DCTN1: variants seen among roughly 807,000 people sequenced by gnomAD.
The protein encoded by DCTN1 is dynactin subunit 1.
DCTN1 carries 61 observed loss-of-function variants against 161.2 expected under a neutral mutation model. The ratio of observed to expected loss-of-function variants is 0.38; its 90% CI spans 0.31 to 0.47. The LOEUF is 0.47. DCTN1 is among the 20% of genes least tolerant of loss of function. The probability of loss-of-function intolerance (pLI) is 0.99; values close to 1 mark genes in which losing one functional copy is unlikely to be tolerated. For missense variants in DCTN1, 1,404 were observed against 1,623.7 expected (o/e 0.86, Z 2.33); for synonymous variants, 653 against 632.4 (o/e 1.03, Z -0.49).
rs370746111 is a variant in DCTN1, at chr2:74,370,583, C to T, written c.1048+38G>A. On this transcript the variant is annotated intron_variant, in intron 10 of 31. Coordinates refer to ENST00000628224, the MANE Select transcript of DCTN1 (RefSeq NM_004082.5). This position sits in a 1 kb window ranked among gnomAD's most constrained non-coding sequence, Gnocchi z 4.4. ...TTAACACTTTCAGGCATGGTTCTCA[C>T]CTGACCGTTTGGCCCCCAGCAGCTG... The T allele has an allele frequency of 4.3e-6, 7 of 1,613,986 alleles. No homozygotes were observed. The African/African-American group carries it at 9.3e-5, about 22-fold the overall frequency.
chr2:74,380,960 T>G (rs1310377374), upstream of DCTN1, among the ~76,000 whole-genome samples: 1 of 152,222 alleles, frequency 6.6e-6, no homozygotes, highest in Non-Finnish European at 1.5e-5. Context: ...TCTTTCTTCT[T>G]GTAGCACAAG....
chr2:74,375,550 T>C (rs1480685528), intron 5 of DCTN1, among the ~76,000 whole-genome samples: 1 of 152,188 alleles, frequency 6.6e-6, no homozygotes, highest in African/African-American at 2.4e-5. Flanking sequence ...GATTTGGGCA[T>C]TGCTCAGGCC....
chr2:74,362,294 C>G (rs542189783), intron 30 of DCTN1, among the ~76,000 whole-genome samples, 153 bp from the exon 31 acceptor site: 1 of 152,250 alleles, frequency 6.6e-6, no homozygotes, highest in African/African-American at 2.4e-5. Flanking sequence ...AACCCCATCC[C>G]CACACCAGCA....
At position 74,371,727 on chromosome 2, in the gene DCTN1, G is replaced by A. The variant is rs1446468442; in HGVS notation, c.455C>T (p.Pro152Leu). The A allele has an allele frequency of 6.2e-7, 1 of 1,607,504 alleles. No homozygotes were observed. Among genetic ancestry groups the A allele is most frequent in the Non-Finnish European group, 8.5e-7 (1 of 1,178,242 alleles). The change falls in exon 8 of 32, where the codon CCC becomes CTC. Residue 152 changes from proline to leucine, a missense_variant and splice_region_variant. Pro to Leu is a moderately conservative substitution (Grantham distance 98). This residue lies in a region of DCTN1 where 174 missense variants were observed against 175.6 expected (regional missense o/e 0.99). Transcript: ENST00000628224. ...ARKTTTRRPK[P>L]TRPASTGVAG... is the part of the protein sequence containing the mutation. ...CACCCCAGTACTGGCTGGGCGCGTG[G>A]GCTATTCAGAAAGGGTAGAGGCAGA...
At chr2:74,378,761 A>C (rs1675367849) in intron 1 of DCTN1, 1 of 184,866 alleles carries the variant, frequency 5.4e-6, no homozygotes, top group African/African-American at 2.4e-5. Context: ...ACCCTTTCAG[A>C]GGCACACAAT....
chr2:74,368,716 G>C lies in DCTN1; in HGVS notation c.1854+12C>G. ...CTAGATTTCTGTGGAACATGTGATT[G>C]ATTGGCCATACCTTGCAAATGAGAC... On this transcript the variant is annotated intron_variant, in intron 16 of 31. Transcript: ENST00000628224. The C allele has an allele frequency of 6.2e-7, 1 of 1,614,222 alleles. No homozygotes were observed. Among genetic ancestry groups the C allele is most frequent in the South Asian group, 1.1e-5 (1 of 91,078 alleles).
intron 17 of DCTN1, 33 bp downstream of exon 17, chr2:74,367,938 C>T (rs1470100071): frequency 6.2e-7 from 1 of 1,614,240 alleles, no homozygotes; most frequent in Non-Finnish European, 8.5e-7. Context: ...CCTGGACCCC[C>T]ACCCTGGGGT....
chr2:74,377,425 C>T lies in DCTN1; in HGVS notation c.393+7G>A, dbSNP rs778904039. Reference sequence around the variant, plus strand: ...TTATTCCCCATTCCCACCCCCAAATCACTCACCAGTTTGCTAGTCTTTGCA... The same window carrying T: ...TTATTCCCCATTCCCACCCCCAAATTACTCACCAGTTTGCTAGTCTTTGCA... On this transcript the variant is annotated splice_region_variant and intron_variant, in intron 4 of 31. Coordinates refer to ENST00000628224, the MANE Select transcript of DCTN1 (RefSeq NM_004082.5). 22 of 1,612,466 alleles carry T rather than the reference C, an allele frequency of 1.4e-5. No homozygotes were observed. The Admixed American group carries it at 2.7e-4, about 20-fold the overall frequency.
In DCTN1 at chr2:74,378,024, A is replaced by G; in HGVS notation, c.255T>C (p.His85=). 1 of 1,614,288 alleles carries G rather than the reference A, an allele frequency of 6.2e-7. No individual in the cohort carries two copies. The highest frequency in any genetic ancestry group is 1.3e-5 in the African/African-American group (1 of 75,086). ...CCTGGGACTGGCGCACAAAGATGCC[A>G]TGCCCTTCATCACAAGTGAAGTACT... is the stretch of plus-strand genomic sequence containing the variant. The part of the protein sequence containing the change: ...GRKYFTCDEG[H]GIFVRQSQIQ... Residue 85 remains histidine (H), a synonymous_variant, in exon 2 of 32, where the codon CAT becomes CAC. Transcript: ENST00000628224.
chr2:74,365,773 G>T, intron 24 of DCTN1, 116 bp from the exon 25 acceptor site: 1 of 1,609,814 alleles, frequency 6.2e-7, no homozygotes, highest in Non-Finnish European at 8.5e-7. Flanking sequence ...CCCATTGATT[G>T]CAGGCCCCAC....
chr2:74,384,818 T>G (rs10194096), upstream of DCTN1: 2,554 of 152,378 alleles, frequency 0.017, 52 homozygotes, highest in African/African-American at 0.045. Context: ...CTAGAGGAGC[T>G]TGTCTGAAAC....
At chr2:74,383,028 T>C (rs1308137774), upstream of DCTN1, among the ~76,000 whole-genome samples, 12 of 151,370 alleles carry the variant, frequency 7.9e-5, no homozygotes, top group Non-Finnish European at 5.9e-5. Context: ...TGAGCCGAGA[T>C]TGCGCCACTG....
chr2:74,366,037 G>C lies in DCTN1; in HGVS notation c.2761-19C>G, dbSNP rs200545447. On this transcript the variant is annotated intron_variant, in intron 23 of 31. Transcript: ENST00000628224. Reference sequence around the variant, plus strand: ...GTGGAGGCTAAGGAATGGTCGGTAGGGGGTGAGAAAGTGAGGGTGGAGAGA... The same window carrying C: ...GTGGAGGCTAAGGAATGGTCGGTAGCGGGTGAGAAAGTGAGGGTGGAGAGA... 2.0e-4 allele frequency: 317 copies of C among 1,614,190 alleles called. 1 individual carries two copies. In the East Asian group the frequency reaches 2.6e-3, roughly 13 times the overall value.
At position 74,374,619 on chromosome 2, in the gene DCTN1, G is replaced by C. The variant is rs549194113; in HGVS notation, c.415-279C>G. ...GATCGCCAGGCTCCGGCAGGCACCGGAGCGGTGCCTGGCCCAGTTCACCAG... is the reference window on the plus strand; with the variant it reads ...GATCGCCAGGCTCCGGCAGGCACCGCAGCGGTGCCTGGCCCAGTTCACCAG... On this transcript the variant is annotated intron_variant, in intron 5 of 31. Transcript: ENST00000628224. The C allele has an allele frequency of 4.9e-4, 608 of 1,247,230 alleles. 3 individuals are homozygous for C. The African/African-American group carries it at 8.0e-3, about 16-fold the overall frequency. The allele number at this position is 1,247,230 out of a possible 1,614,324, so 77.3% of individuals were successfully genotyped here.
chr2:74,365,056 C>G lies in DCTN1; in HGVS notation c.3196+19G>C. On this transcript the variant is annotated intron_variant, in intron 26 of 31. Transcript: ENST00000628224. Reference sequence around the variant, plus strand: ...GACAATCTCCTCTGTGCTAGTGCTGCCTATTCCACAGTACTCACCACCAGC... The same window carrying G: ...GACAATCTCCTCTGTGCTAGTGCTGGCTATTCCACAGTACTCACCACCAGC... 6.2e-7 allele frequency: 1 copy of G among 1,613,920 alleles called. No individual in the cohort carries two copies. The highest frequency in any genetic ancestry group is 8.5e-7 in the Non-Finnish European group (1 of 1,179,928).
At chr2:74,377,324 G>A in intron 4 of DCTN1, 108 bp downstream of exon 4, 1 of 963,406 alleles carries the variant, frequency 1.0e-6, no homozygotes, top group Non-Finnish European at 1.7e-6. Context: ...GAGACTAGAA[G>A]GCAAATCAGA....
rs150745804 is a variant in DCTN1, at chr2:74,368,347, G to C, written c.1855-216C>G. ...GAGGAGTCAGGATGTGAAAATGAAA[G>C]GGTAGTGGGACCGGTGGAATCAAGG... is the stretch of plus-strand genomic sequence containing the variant. On this transcript the variant is annotated intron_variant, in intron 16 of 31. Transcript: ENST00000628224. 32 of 667,522 alleles carry C rather than the reference G, an allele frequency of 4.8e-5. No individual in the cohort carries two copies. In the East Asian group the frequency reaches 8.6e-4, roughly 18 times the overall value. 41.3% of individuals were successfully genotyped at this position (667,522 alleles called of 1,614,324 possible). A position where few individuals can be genotyped will look rare whatever the true frequency, so the allele number is the denominator to read the frequency against.
At chr2:74,381,797 G>A (rs1002386630), upstream of DCTN1, among the ~76,000 whole-genome samples, 1 of 152,192 alleles carries the variant, frequency 6.6e-6, no homozygotes, top group African/African-American at 2.4e-5. Context: ...ACATATCTCA[G>A]AGAGGTATCG....
At chr2:74,384,343 T>C (rs2103756703), upstream of DCTN1, among the ~76,000 whole-genome samples, 1 of 152,296 alleles carries the variant, frequency 6.6e-6, no homozygotes, top group African/African-American at 2.4e-5. Flanking sequence ...TGAATATCTC[T>C]ACAGGTAGGT....
Sources: allele counts gnomAD v4.1 joint callset (sites outside exome capture counted in the v4.1 genomes callset), GRCh38; gene constraint gnomAD v4.1.1; regional missense constraint gnomAD v4.1.1; non-coding constraint Gnocchi (gnomAD v3.1); transcripts MANE v1.5; gene names NCBI Gene and HGNC (gene_info 2026-07-23, HGNC 2026-07-21).